The following ZNF20 variants were observed in gnomAD, a reference collection of about 807,000 sequenced individuals.
ZNF20 encodes zinc finger protein 20, also known as zinc finger protein KOX13.
A neutral mutation model predicts 11.0 loss-of-function variants in ZNF20; 9 were observed. The ratio of observed to expected loss-of-function variants is 0.82; its 90% confidence interval spans 0.49 to 1.43. The LOEUF (loss-of-function observed/expected upper bound fraction) is 1.43. Ranked by LOEUF, ZNF20 falls within the 40% of genes most tolerant of loss-of-function variation. The pLI is 0.00. For synonymous variants in ZNF20, 182 were observed against 213.0 expected (o/e 0.85, Z 1.27); for missense variants, 528 against 640.8 (o/e 0.82, Z 1.90).
chr19:12,137,717 G>A (rs1976734649), intron 1 of ZNF20: 1 of 151,610 alleles, frequency 6.6e-6, no homozygotes, highest in Non-Finnish European at 1.5e-5. Flanking sequence ...TGCAAGGTGT[G>A]CTGCCCTCAT....
intron 3 of ZNF20, among the ~76,000 whole-genome samples, chr19:12,134,796 T>A (rs184166847): frequency 1.7e-3 from 252 of 152,316 alleles, no homozygotes; most frequent in Non-Finnish European, 2.6e-3. Flanking sequence ...GTATATATAT[T>A]TTTTTAAAAT....
At chr19:12,134,380 C>T (rs1435437101) in intron 3 of ZNF20, among the ~76,000 whole-genome samples, 4 of 151,930 alleles carry the variant, frequency 2.6e-5, no homozygotes, top group Admixed American at 6.6e-5. Context: ...TGGTGGGTCA[C>T]GCCTGTAATC....
chr19:12,135,283 G>A (rs1416354833), intron 3 of ZNF20, among the ~76,000 whole-genome samples: 9 of 152,054 alleles, frequency 5.9e-5, no homozygotes, highest in African/African-American at 2.2e-4. Context: ...GGGACTACAG[G>A]CATGTGCCAC....
In ZNF20 at chr19:12,132,810, G is replaced by A. The variant is rs1239231251; in HGVS notation, c.1376C>T (p.Ala459Val). The stretch of plus-strand genomic sequence containing the variant: ...TCGAATGGAACTGGAACAAGTGAAG[G>A]CTTTGCCACATACCTTACACTCATA... ...KPYECKVCGKAFTCSSSIRYH... is the reference protein window; with the variant it reads ...KPYECKVCGKVFTCSSSIRYH... The change falls in exon 4 of 4, where the codon GCC (alanine) becomes GTC (valine). Residue 459 changes from alanine to valine, a missense_variant. By Grantham distance (64) the Ala-to-Val change is moderately conservative. Transcript: ENST00000334213. 1.2e-6 allele frequency: 2 copies of A among 1,613,644 alleles called. No individual in the cohort carries two copies. Among genetic ancestry groups the A allele is most frequent in the Non-Finnish European group, 1.7e-6 (2 of 1,179,948 alleles).
At position 12,132,555 on chromosome 19, in the gene ZNF20, GCT is replaced by G; in HGVS notation, c.*30_*31del. ...TTCAAAGGAAGTGGGACAACAGAAA[GCT>G]TCTCCCGTTGCTTCCACTAAAAGGA... On this transcript the variant is annotated 3_prime_UTR_variant, in exon 4 of 4. Transcript: ENST00000334213. 1 of 1,531,790 alleles carries G rather than the reference GCT, an allele frequency of 6.5e-7. No homozygotes were observed. The highest frequency in any genetic ancestry group is 8.7e-7 in the Non-Finnish European group (1 of 1,143,322). The allele number at this position is 1,531,790 out of a possible 1,614,324, so 94.9% of individuals were successfully genotyped here. A position where few individuals can be genotyped will look rare whatever the true frequency, so the allele number is the denominator to read the frequency against.
intron 1 of ZNF20, among the ~76,000 whole-genome samples, chr19:12,138,445 CAAA>C (rs34380888): frequency 7.8e-5 from 7 of 89,924 alleles, no homozygotes; most frequent in Admixed American, 1.3e-4. Context: ...GACTTTCTCT[CAAA>C]AAAAAAAAAA....
chr19:12,135,571 G>A lies in ZNF20; in HGVS notation c.140-11C>T. The A allele has an allele frequency of 6.2e-7, 1 of 1,611,030 alleles. No individual in the cohort carries two copies. The highest frequency in any genetic ancestry group is 1.1e-5 in the South Asian group (1 of 90,100). ...CTTTCCATGTTTTTCCTAAAACACA[G>A]ACCCGGAGAAAACACAGATCCAGAA... On this transcript the variant is annotated splice_polypyrimidine_tract_variant and intron_variant, in intron 2 of 3. Transcript: ENST00000334213.
chr19:12,137,543 A>G (rs1337198262), intron 1 of ZNF20: 1 of 152,430 alleles, frequency 6.6e-6, no homozygotes, highest in Non-Finnish European at 1.5e-5. Flanking sequence ...CAGAACTAGC[A>G]CCTGCTTGCT....
At position 12,139,551 on chromosome 19, in the gene ZNF20, G is replaced by A. The variant is rs1354077878; in HGVS notation, c.3+629C>T. On this transcript the variant is annotated intron_variant, in intron 1 of 3. Transcript: ENST00000334213. The surrounding 1 kb of genome is among the most constrained non-coding windows in gnomAD (Gnocchi z 4.0). ...TCTTTAAATTTTTTTTTTTTTTTGA[G>A]ATGGAATCTCGCTCTGTCCCCTAGG... Among the ~76,000 whole-genome samples the A allele has an allele frequency of 6.8e-6, 1 of 147,772 alleles. No individual in the cohort carries two copies. Among genetic ancestry groups the A allele is most frequent in the African/African-American group, 2.5e-5 (1 of 39,804 alleles).
rs751364558 is a variant in ZNF20, at chr19:12,133,503, T to G, written c.683A>C (p.Lys228Thr). ...AAAGGCCTTACCACATTGTTTACAC[T>G]TATATGGTTTCACACCAGTGTGAAT... ...ERIHTGVKPY[K>T]CKQCGKAFTR... The change falls in exon 4 of 4, where the codon AAG (lysine) becomes ACG (threonine). Residue 228 changes from lysine (K) to threonine (T), a missense_variant. Transcript: ENST00000334213. 1 of 1,614,210 alleles carries G rather than the reference T, an allele frequency of 6.2e-7. No homozygotes were observed. Among genetic ancestry groups the G allele is most frequent in the South Asian group, 1.1e-5 (1 of 91,088 alleles).
intron 1 of ZNF20, among the ~76,000 whole-genome samples, chr19:12,136,302 G>A (rs1976709746): frequency 6.6e-6 from 1 of 152,088 alleles, no homozygotes; most frequent in South Asian, 2.1e-4. Context: ...CTTGAACCCA[G>A]GAGGTAGAGG....
At position 12,139,272 on chromosome 19, in the gene ZNF20, G is replaced by A. The variant is rs777051158; in HGVS notation, c.3+908C>T. ...AGTAACCAATGGAATCCTCCAGGGG[G>A]TATTTAAACTCCCAAAAATTCTGTA... On this transcript the variant is annotated intron_variant, in intron 1 of 3. Transcript: ENST00000334213. The surrounding 1 kb of genome is among the most constrained non-coding windows in gnomAD (Gnocchi z 4.0). 6.6e-6 allele frequency among the ~76,000 whole-genome samples: 1 copy of A among 152,150 alleles called. No individual in the cohort carries two copies. Among genetic ancestry groups the A allele is most frequent in the Non-Finnish European group, 1.5e-5 (1 of 68,038 alleles).
At chr19:12,135,142 C>CTT (rs35937238) in intron 3 of ZNF20, among the ~76,000 whole-genome samples, 141 of 142,224 alleles carry the variant, frequency 9.9e-4, no homozygotes, top group South Asian at 2.2e-3. Context: ...CATTTTCTCA[C>CTT]TTTTTTTTTT....
chr19:12,133,450 C>A lies in ZNF20; in HGVS notation c.736G>T (p.Glu246Ter). 6.2e-7 allele frequency: 1 copy of A among 1,614,112 alleles called. No homozygotes were observed. The highest frequency in any genetic ancestry group is 8.5e-7 in the Non-Finnish European group (1 of 1,179,954). Residue 246 changes from glutamate (E) to a stop codon, truncating the protein, a stop_gained, in exon 4 of 4, where the codon GAA becomes TAA. Transcript: ENST00000334213. LOFTEE classifies it low-confidence loss of function (END_TRUNC). ...FTRSTTLPVH[E>*]RTHTGVNADE... ...GCATTCACTCCTGTGTGAGTTCTTT[C>A]ATGTACTGGAAGGGTAGTGGAACGA...
rs532371344 is a variant in ZNF20, at chr19:12,136,048, C to T, written c.4-144G>A. On this transcript the variant is annotated intron_variant, in intron 1 of 3. Transcript: ENST00000334213. ...ACCTCTTACTTTCTGTCTATACTCA[C>T]GTCCTCCCACAAACCAACCCTTTTT... The T allele has an allele frequency of 2.6e-5, 29 of 1,104,244 alleles. No individual in the cohort carries two copies. In the East Asian group the frequency reaches 6.2e-4, roughly 24 times the overall value. The allele number at this position is 1,104,244 out of a possible 1,614,324, so 68.4% of individuals were successfully genotyped here.
Position 12,133,240 on chromosome 19 carries a change from A to G in ZNF20, c.946T>C (p.Cys316Arg), listed in dbSNP as rs756156006. Reference protein sequence around the residue: ...TGEKPYECKQCGKAFRCGSHL... With the variant: ...TGEKPYECKQRGKAFRCGSHL... ...GAGCCACATCTAAAGGCTTTCCCAC[A>G]CTGCTTACATTCATAGGGTTTCTCT... The change falls in exon 4 of 4, where the codon TGT (cysteine) becomes CGT (arginine). Residue 316 changes from cysteine to arginine, a missense_variant. Coordinates refer to ENST00000334213, the MANE Select transcript of ZNF20 (RefSeq NM_021143.4). 22 of 1,613,982 alleles carry G rather than the reference A, an allele frequency of 1.4e-5. No individual in the cohort carries two copies. Among genetic ancestry groups the G allele is most frequent in the Non-Finnish European group, 8.5e-7 (1 of 1,180,032 alleles).
chr19:12,137,283 C>G, intron 1 of ZNF20: 1 of 141,926 alleles, frequency 7.0e-6, no homozygotes, highest in East Asian at 2.1e-4. Context: ...GCCTGGGCGA[C>G]AGAAAGAGAC....
At chr19:12,135,645 T>C in intron 2 of ZNF20, 85 bp from the exon 3 acceptor site, 4 of 1,587,070 alleles carry the variant, frequency 2.5e-6, no homozygotes, top group Non-Finnish European at 3.4e-6. Context: ...TCATGGTACA[T>C]GGTAGCCATG....
At chr19:12,137,389 T>A (rs570366911) in intron 1 of ZNF20, 13 of 152,602 alleles carry the variant, frequency 8.5e-5, no homozygotes, top group African/African-American at 3.1e-4. Context: ...CTGCATGTGC[T>A]CAACCCACAT....
Sources: allele counts gnomAD v4.1 joint callset (sites outside exome capture counted in the v4.1 genomes callset), GRCh38; gene constraint gnomAD v4.1.1; non-coding constraint Gnocchi (gnomAD v3.1); transcripts MANE v1.5; gene names NCBI Gene and HGNC (gene_info 2026-07-23, HGNC 2026-07-21).